Variants in FAT1 observed in about 807,000 individuals in gnomAD.
FAT1 encodes the protein protocadherin Fat 1.
Under a neutral mutation model 329.8 loss-of-function variants are expected in FAT1, and 171 were observed. The ratio of observed to expected loss-of-function variants is 0.52; its 90% confidence interval spans 0.46 to 0.59. FAT1 has a LOEUF of 0.59. Ranked by LOEUF, FAT1 falls within the 20% of genes least tolerant of loss-of-function variation. The pLI is 0.00. For missense variants in FAT1, 5,672 were observed against 5,774.4 expected, an observed-to-expected ratio of 0.98 and a Z score of 0.57; for synonymous variants, 2,233 against 2,228.6, an observed-to-expected ratio of 1.00 and a Z score of -0.06.
Position 186,600,353 on chromosome 4 carries a change from T to C in FAT1, c.11648A>G (p.His3883Arg). The change falls in exon 22 of 27, where the codon CAT becomes CGT. Residue 3883 changes from histidine to arginine, a missense_variant. Physicochemically the swap from His to Arg is conservative, Grantham distance 29. Coordinates refer to ENST00000441802, the MANE Select transcript of FAT1 (RefSeq NM_005245.4). ...GTDYSILEIH[H>R]GRLQYKFDCG... ...GTCAAACTTGTACTGCAGCCTTCCA[T>C]GATGAATCTAGGATAAAAGCAATGA... is the stretch of plus-strand genomic sequence containing the variant. 1 of 1,610,118 alleles carries C rather than the reference T, an allele frequency of 6.2e-7. No individual in the cohort carries two copies. The highest frequency in any genetic ancestry group is 8.5e-7 in the Non-Finnish European group (1 of 1,177,832).
chr4:186,617,202 C>T lies in FAT1; in HGVS notation c.8879-1G>A, dbSNP rs1579325767. The T allele has an allele frequency of 6.4e-7, 1 of 1,562,178 alleles. No homozygotes were observed. Among genetic ancestry groups the T allele is most frequent in the Non-Finnish European group, 8.7e-7 (1 of 1,154,990 alleles). The stretch of plus-strand genomic sequence containing the variant: ...GCAAACTGTCCTAAAGGATCCCCTC[C>T]TATTAAATCAATGGAGGAAGATAAT... On this transcript the variant is annotated splice_acceptor_variant, in intron 10 of 26. Transcript: ENST00000441802. LOFTEE classifies it high-confidence loss of function.
At chr4:186,597,464 C>G (rs938360576) in intron 24 of FAT1, among the ~76,000 whole-genome samples, 2 of 151,972 alleles carry the variant, frequency 1.3e-5, no homozygotes, top group Non-Finnish European at 2.9e-5. Flanking sequence ...ACCCCATTGG[C>G]TAAACATTAG....
At chr4:186,631,229 A>C (rs1740571095) in intron 7 of FAT1, among the ~76,000 whole-genome samples, 1 of 150,996 alleles carries the variant, frequency 6.6e-6, no homozygotes, top group Admixed American at 6.6e-5. Flanking sequence ...CTCCCAGCTG[A>C]CCCCTCTGCT....
intron 2 of FAT1, among the ~76,000 whole-genome samples, chr4:186,694,498 T>C (rs1743936003): frequency 6.6e-6 from 1 of 152,240 alleles, no homozygotes; most frequent in Non-Finnish European, 1.5e-5. Flanking sequence ...AACTTTTACT[T>C]AGATGTAGTT....
Position 186,707,403 on chromosome 4 carries a change from G to A in FAT1, c.2425C>T (p.His809Tyr), listed in dbSNP as rs752453622. The change falls in exon 2 of 27, where the codon CAT becomes TAT. Residue 809 changes from histidine (H) to tyrosine (Y), a missense_variant. By Grantham distance (83) the His-to-Tyr change is moderately conservative. Around this residue, in one of 2 missense-constraint regions of FAT1, gnomAD observed 3,966 missense variants for 3,915.2 expected, o/e 1.01. Coordinates refer to ENST00000441802, the MANE Select transcript of FAT1 (RefSeq NM_005245.4). The stretch of plus-strand genomic sequence containing the variant: ...TCATTGGCATCGACAACCACGACAT[G>A]TAGAAGACGCCACGCAGCCTTCTGG... ...IPQKAAWRLL[H>Y]VVVVDANDNP... is the part of the protein sequence containing the mutation. 38 of 1,613,876 alleles carry A rather than the reference G, an allele frequency of 2.4e-5. 2 individuals carry two copies. In the South Asian group the frequency reaches 3.8e-4, roughly 16 times the overall value.
chr4:186,624,995 A>G (rs1740230859), intron 9 of FAT1, among the ~76,000 whole-genome samples: 2 of 152,210 alleles, frequency 1.3e-5, no homozygotes. Flanking sequence ...TCTATGCCAG[A>G]ATAGGCCATT....
In FAT1 at chr4:186,628,677, C is replaced by A. The variant is rs376412122; in HGVS notation, c.4410G>T (p.Ala1470=). 3.0e-5 allele frequency: 49 copies of A among 1,613,776 alleles called. No homozygotes were observed. In the African/African-American group the frequency reaches 4.9e-4, roughly 16 times the overall value. ...TGATTTGCAAAATTTCTGTTTCTGG[C>A]GCTGTATCTTCAGGAATAACAACTT... ...KYEVVIPEDT[A]PETEILQISA... The change falls in exon 8 of 27, where the codon GCG becomes GCT. Residue 1470 remains alanine, a synonymous_variant. Transcript: ENST00000441802.
At chr4:186,659,682 A>G (rs1742075122) in intron 3 of FAT1, among the ~76,000 whole-genome samples, 2 of 150,444 alleles carry the variant, frequency 1.3e-5, no homozygotes, top group Non-Finnish European at 3.0e-5. Context: ...CGGCTGTGGC[A>G]CCTGTCCCCT....
chr4:186,645,990 CACACACACACACACAT>C (rs1311992526), intron 3 of FAT1, among the ~76,000 whole-genome samples: 7 of 147,484 alleles, frequency 4.7e-5, no homozygotes, highest in African/African-American at 1.5e-4. Flanking sequence ...CACACACACA[CACACACACACACACAT>C]GAAAGATGGC....
chr4:186,636,739 T>C lies in FAT1; in HGVS notation c.3818A>G (p.His1273Arg), dbSNP rs328418. The change falls in exon 5 of 27, where the codon CAC becomes CGC. Residue 1273 changes from histidine (H) to arginine (R), a missense_variant. His to Arg is a conservative substitution (Grantham distance 29). Around this residue, in one of 2 missense-constraint regions of FAT1, gnomAD observed 3,966 missense variants for 3,915.2 expected, o/e 1.01. Transcript: ENST00000441802. Reference sequence around the variant, plus strand: ...CTCATCCTTGTCGGTGGCTATGACGTGATAGAGCGGCTCCCGTCTGGCATT... The same window carrying C: ...CTCATCCTTGTCGGTGGCTATGACGCGATAGAGCGGCTCCCGTCTGGCATT... ...ERNARREPLY[H>R]VIATDKDEGP... 915,354 of 1,613,518 alleles carry C rather than the reference T, an allele frequency of 0.57. 263,698 individuals carry two copies. Among genetic ancestry groups the C allele is most frequent in the African/African-American group, 0.82 (61,148 of 74,912 alleles).
Position 186,709,448 on chromosome 4 carries a change from G to GT in FAT1, c.379dup (p.Thr127AsnfsTer2). The GT allele has an allele frequency of 6.2e-7, 1 of 1,613,888 alleles. No homozygotes were observed. Among genetic ancestry groups the GT allele is most frequent in the Non-Finnish European group, 8.5e-7 (1 of 1,179,860 alleles). Reference sequence around the variant, plus strand: ...GACCTTTGTTCGCGCCTCCACATTAGTATTTTTTTCAAGTGCTTTCACTAT... The same window carrying GT: ...GACCTTTGTTCGCGCCTCCACATTAGTTATTTTTTTCAAGTGCTTTCACTAT... On this transcript the variant is annotated frameshift_variant, in exon 2 of 27. Coordinates refer to ENST00000441802, the MANE Select transcript of FAT1 (RefSeq NM_005245.4). LOFTEE classifies it high-confidence loss of function.
chr4:186,594,874 T>C (rs1392066376), intron 26 of FAT1, among the ~76,000 whole-genome samples: 5 of 151,518 alleles, frequency 3.3e-5, no homozygotes, highest in Non-Finnish European at 5.9e-5. Context: ...ATATTTGAAA[T>C]GTATAACATA....
intron 2 of FAT1, among the ~76,000 whole-genome samples, chr4:186,676,344 G>A (rs758154805): frequency 1.3e-5 from 2 of 151,398 alleles, no homozygotes; most frequent in African/African-American, 4.9e-5. Flanking sequence ...TTATACGGAT[G>A]AGTTAATTTT....
rs760245866 is a variant in FAT1, at chr4:186,709,036, T to C, written c.792A>G (p.Pro264=). ...APVITAVTLS[P]SELDRDPAYA... ...ATGCTGGGTCCCTGTCCAGTTCTGA[T>C]GGTGACAATGTCACTGCTGTTATCA... is the stretch of plus-strand genomic sequence containing the variant. Residue 264 remains proline (P), a synonymous_variant, in exon 2 of 27, where the codon CCA becomes CCG. Coordinates refer to ENST00000441802, the MANE Select transcript of FAT1 (RefSeq NM_005245.4). The C allele has an allele frequency of 1.3e-5, 21 of 1,614,042 alleles. 1 individual carries two copies. The South Asian group carries it at 2.1e-4, about 16-fold the overall frequency.
At position 186,621,249 on chromosome 4, in the gene FAT1, T is replaced by C; in HGVS notation, c.5337A>G (p.Ser1779=). 1.2e-6 allele frequency: 2 copies of C among 1,614,036 alleles called. No individual in the cohort carries two copies. The highest frequency in any genetic ancestry group is 1.7e-6 in the Non-Finnish European group (2 of 1,179,890). The change falls in exon 10 of 27, where the codon TCA becomes TCG. Residue 1779 remains serine (S), a synonymous_variant. Coordinates refer to ENST00000441802, the MANE Select transcript of FAT1 (RefSeq NM_005245.4). The part of the protein sequence containing the change: ...EYTGLISESA[S]INSVVLTDRN... The stretch of plus-strand genomic sequence containing the variant: ...TGTCTGTTAGGACCACGCTGTTAAT[T>C]GAGGCTGATTCACTAATGAGTCCTG...
chr4:186,674,305 T>C lies in FAT1; in HGVS notation c.3266-10692A>G, dbSNP rs540494334. On this transcript the variant is annotated intron_variant, in intron 2 of 26. Transcript: ENST00000441802. Reference sequence around the variant, plus strand: ...GGATTACCTTACCAGTTAGTCATCTTAGAGCTTTACATCTAACAACTTAGC... The same window carrying C: ...GGATTACCTTACCAGTTAGTCATCTCAGAGCTTTACATCTAACAACTTAGC... Among the ~76,000 whole-genome samples the C allele has an allele frequency of 2.6e-5, 4 of 152,388 alleles. No homozygotes were observed. In the East Asian group the frequency reaches 7.7e-4, roughly 29 times the overall value.
In FAT1 at chr4:186,600,285, C is replaced by T. The variant is rs753747082; in HGVS notation, c.11716G>A (p.Val3906Ile). Reference sequence around the variant, plus strand: ...ACTGCGTGCCACTGCCCATCATTGACCTGAATGCTCTGAACAGAGACAATT... The same window carrying T: ...ACTGCGTGCCACTGCCCATCATTGATCTGAATGCTCTGAACAGAGACAATT... ...PGIVSVQSIQ[V>I]NDGQWHAVAL... The change falls in exon 22 of 27, where the codon GTC (valine) becomes ATC (isoleucine). Residue 3906 changes from valine (V) to isoleucine (I), a missense_variant. Around this residue, in one of 2 missense-constraint regions of FAT1, gnomAD observed 1,706 missense variants for 1,859.1 expected, o/e 0.92. Coordinates refer to ENST00000441802, the MANE Select transcript of FAT1 (RefSeq NM_005245.4). 6.2e-7 allele frequency: 1 copy of T among 1,613,874 alleles called. No homozygotes were observed. Among genetic ancestry groups the T allele is most frequent in the Non-Finnish European group, 8.5e-7 (1 of 1,179,840 alleles).
In FAT1 at chr4:186,690,745, A is replaced by G. The variant is rs1427698529; in HGVS notation, c.3265+15818T>C. Among the ~76,000 whole-genome samples the G allele has an allele frequency of 3.3e-5, 5 of 152,316 alleles. 1 individual carries two copies. Among genetic ancestry groups the G allele is most frequent in the African/African-American group, 1.2e-4 (5 of 41,568 alleles). On this transcript the variant is annotated intron_variant, in intron 2 of 26. Transcript: ENST00000441802. ...AAATTTAAAGTCACAAATATCTTTAAGGCAGTTGAACTCTACATAAGTCTC... is the reference window on the plus strand; with the variant it reads ...AAATTTAAAGTCACAAATATCTTTAGGGCAGTTGAACTCTACATAAGTCTC...
chr4:186,694,253 A>C lies in FAT1; in HGVS notation c.3265+12310T>G, dbSNP rs1352033417. ...CATCTCCCCATTTCTCATAACGCTC[A>C]ACCTCTCTCAAATGCAACTTGCTAT... On this transcript the variant is annotated intron_variant, in intron 2 of 26. Coordinates refer to ENST00000441802, the MANE Select transcript of FAT1 (RefSeq NM_005245.4). 2.0e-5 allele frequency among the ~76,000 whole-genome samples: 3 copies of C among 152,202 alleles called. 1 individual carries two copies. Among genetic ancestry groups the C allele is most frequent in the Non-Finnish European group, 2.9e-5 (2 of 68,052 alleles).
Sources: gnomAD v4.1 joint callset for allele counts (sites outside exome capture counted in the v4.1 genomes callset) on GRCh38, gnomAD v4.1.1 for gene constraint, gnomAD v4.1.1 regional missense constraint, MANE v1.5 for transcripts, NCBI Gene and HGNC (gene_info 2026-07-23, HGNC 2026-07-21) for gene names.